Variants in KCTD21 observed in about 807,000 individuals in gnomAD.
The protein encoded by KCTD21 is potassium channel tetramerization domain containing 21, also known as BTB/POZ domain-containing protein KCTD21.
A neutral mutation model predicts 13.2 loss-of-function variants in KCTD21; 9 were observed. The ratio of observed to expected loss-of-function variants is 0.68; its 90% CI spans 0.41 to 1.19. The LOEUF (loss-of-function observed/expected upper bound fraction) is 1.19, where lower values mean the gene tolerates loss of function less well. KCTD21 is among the 50% of genes most tolerant of loss of function. The pLI, the probability that KCTD21 is intolerant of heterozygous loss-of-function variation, is 0.01. For synonymous variants in KCTD21, 142 were observed against 137.4 expected (o/e 1.03, Z -0.23); for missense variants, 303 against 336.5 (o/e 0.90, Z 0.78).
At chr11:78,185,392 C>T (rs1214911474) in intron 1 of KCTD21, among the ~76,000 whole-genome samples, 2 of 152,146 alleles carry the variant, frequency 1.3e-5, no homozygotes, top group Admixed American at 6.6e-5. Flanking sequence ...GTGCCAGACC[C>T]CAATAAGTCG....
intron 1 of KCTD21, chr11:78,187,362 C>T (rs1862813113): frequency 1.3e-5 from 13 of 985,390 alleles, no homozygotes; most frequent in Non-Finnish European, 1.6e-5. Context: ...GCTCTATTAC[C>T]ATCACAACCC....
Position 78,188,580 on chromosome 11 carries a change from C to G in KCTD21, c.-37G>C. ...CGGCCGTGCCGCACCCACCTCCTGC[C>G]CTCGCTCTGCAGCCTCTCCCTCCGC... On this transcript the variant is annotated 5_prime_UTR_variant, in exon 1 of 2. Transcript: ENST00000340067. 1.0e-6 allele frequency: 1 copy of G among 985,728 alleles called. No homozygotes were observed. The highest frequency in any genetic ancestry group is 1.2e-6 in the Non-Finnish European group (1 of 830,156). 61.1% of individuals were successfully genotyped at this position (985,728 alleles called of 1,614,324 possible).
At position 78,172,814 on chromosome 11, in the gene KCTD21, A is replaced by G. The variant is rs989198977; in HGVS notation, c.*958T>C. ...TGGCGCGCTTCCTATCAGCCAAGGT[A>G]TGCAAGCAGGCCAAGGTGATCACTT... On this transcript the variant is annotated 3_prime_UTR_variant, in exon 2 of 2. Coordinates refer to ENST00000340067, the MANE Select transcript of KCTD21 (RefSeq NM_001029859.3). The G allele has an allele frequency of 2.0e-5, 3 of 152,606 alleles. No homozygotes were observed. The highest frequency in any genetic ancestry group is 6.5e-5 in the Admixed American group (1 of 15,274). 9.5% of individuals were successfully genotyped at this position (152,606 alleles called of 1,614,324 possible).
intron 1 of KCTD21, among the ~76,000 whole-genome samples, chr11:78,180,431 C>T (rs999289128): frequency 2.0e-5 from 3 of 152,168 alleles, no homozygotes; most frequent in Admixed American, 1.3e-4. Context: ...GAGGCTGAGG[C>T]GGGCAGATCA....
intron 1 of KCTD21, chr11:78,188,272 G>GCCCCACCCACCAAGGA: frequency 7.6e-6 from 7 of 924,840 alleles, no homozygotes; most frequent in Non-Finnish European, 8.7e-6. Flanking sequence ...GCCTCTCCTT[G>GCCCCACCCACCAAGGA]CCCCACCCAC....
At chr11:78,188,132 C>G in intron 1 of KCTD21, 1 of 985,428 alleles carries the variant, frequency 1.0e-6, no homozygotes, top group Non-Finnish European at 1.2e-6. Context: ...AGTTCCCTGT[C>G]ATCTGTGTCT....
chr11:78,186,362 A>G (rs1196547792), intron 1 of KCTD21, among the ~76,000 whole-genome samples: 1 of 112,550 alleles, frequency 8.9e-6, no homozygotes, highest in Non-Finnish European at 1.7e-5. Context: ...ACAGAGTAAG[A>G]CCCTGTCTCA....
Position 78,172,778 on chromosome 11 carries a change from T to C in KCTD21, c.*994A>G, listed in dbSNP as rs1458393244. The C allele has an allele frequency of 6.6e-6, 1 of 152,450 alleles. No individual in the cohort carries two copies. The highest frequency in any genetic ancestry group is 1.5e-5 in the Non-Finnish European group (1 of 68,030). The allele number at this position is 152,450 out of a possible 1,614,324, so 9.4% of individuals were successfully genotyped here. ...AGCACTGTCCAACCACAGCAGGAGC[T>C]GCCTTGGGGATGGCGCGCTTCCTAT... On this transcript the variant is annotated 3_prime_UTR_variant, in exon 2 of 2. Coordinates refer to ENST00000340067, the MANE Select transcript of KCTD21 (RefSeq NM_001029859.3).
At chr11:78,185,774 T>G (rs1418864783) in intron 1 of KCTD21, among the ~76,000 whole-genome samples, 1 of 152,008 alleles carries the variant, frequency 6.6e-6, no homozygotes, top group Non-Finnish European at 1.5e-5. Context: ...GTATTTTTAG[T>G]AGAGACGGGG....
intron 1 of KCTD21, among the ~76,000 whole-genome samples, chr11:78,185,781 G>A (rs1590884851): frequency 6.6e-6 from 1 of 151,872 alleles, no homozygotes; most frequent in Non-Finnish European, 1.5e-5. Context: ...TAGTAGAGAC[G>A]GGGTTTCACC....
chr11:78,171,613 A>C lies in KCTD21; in HGVS notation c.*2159T>G, dbSNP rs564643270. The C allele has an allele frequency of 6.6e-6, 1 of 152,246 alleles. No homozygotes were observed. The highest frequency in any genetic ancestry group is 2.1e-4 in the South Asian group (1 of 4,818). The allele number at this position is 152,246 out of a possible 1,614,324, so 9.4% of individuals were successfully genotyped here. On this transcript the variant is annotated 3_prime_UTR_variant, in exon 2 of 2. Coordinates refer to ENST00000340067, the MANE Select transcript of KCTD21 (RefSeq NM_001029859.3). ...TTCTCCATGAGGGGCTCTCCCAAGT[A>C]CCCTTGGCCTGGGACAGCTGTCTTT...
At chr11:78,181,322 G>C (rs1362782942) in intron 1 of KCTD21, among the ~76,000 whole-genome samples, 2 of 152,152 alleles carry the variant, frequency 1.3e-5, no homozygotes, top group Non-Finnish European at 2.9e-5. Context: ...ATATGACTCA[G>C]CAATATATAG....
Position 78,173,746 on chromosome 11 carries a change from C to A in KCTD21, c.*26G>T, listed in dbSNP as rs368809886. On this transcript the variant is annotated 3_prime_UTR_variant, in exon 2 of 2. Transcript: ENST00000340067. ...GCTGACATGAGCTTCCTGGGACTCCCCATCTCCAGTGTTGTTGGGGTCCTT... is the reference window on the plus strand; with the variant it reads ...GCTGACATGAGCTTCCTGGGACTCCACATCTCCAGTGTTGTTGGGGTCCTT... The A allele has an allele frequency of 1.3e-6, 2 of 1,580,992 alleles. No individual in the cohort carries two copies. Among genetic ancestry groups the A allele is most frequent in the Admixed American group, 1.7e-5 (1 of 57,900 alleles).
Position 78,174,545 on chromosome 11 carries a change from G to C in KCTD21, c.10C>G (p.Pro4Ala). Residue 4 changes from proline to alanine, a missense_variant, in exon 2 of 2, where the codon CCC (proline) becomes GCC (alanine). Coordinates refer to ENST00000340067, the MANE Select transcript of KCTD21 (RefSeq NM_001029859.3). ...TTCCCCCCGACGTTCAGCGTGATGG[G>C]GTCGGACATGGCAGGAGACTGGGTT... is the stretch of plus-strand genomic sequence containing the variant. MSD[P>A]ITLNVGGKLY... 1 of 1,610,770 alleles carries C rather than the reference G, an allele frequency of 6.2e-7. No individual in the cohort carries two copies. The highest frequency in any genetic ancestry group is 8.5e-7 in the Non-Finnish European group (1 of 1,178,136).
Position 78,174,276 on chromosome 11 carries a change from A to C in KCTD21, c.279T>G (p.Ile93Met), listed in dbSNP as rs748630817. ...EADFYQVQPL[I>M]EALQEKEVEL... ...CCACTTCCTTCTCCTGCAGGGCCTC[A>C]ATCAGGGGCTGCACCTGGTAGAAGT... The change falls in exon 2 of 2, where the codon ATT becomes ATG. Residue 93 changes from isoleucine (I) to methionine (M), a missense_variant. Physicochemically the swap from Ile to Met is conservative, Grantham distance 10 (BLOSUM62 1). Transcript: ENST00000340067. 1.9e-6 allele frequency: 3 copies of C among 1,614,010 alleles called. No individual in the cohort carries two copies. In the South Asian group the frequency reaches 3.3e-5, roughly 18 times the overall value.
chr11:78,174,308 C>T lies in KCTD21; in HGVS notation c.247G>A (p.Glu83Lys). 2.5e-6 allele frequency: 4 copies of T among 1,614,116 alleles called. No homozygotes were observed. The highest frequency in any genetic ancestry group is 3.4e-6 in the Non-Finnish European group (4 of 1,180,014). Residue 83 changes from glutamate (E) to lysine (K), a missense_variant, in exon 2 of 2, where the codon GAG becomes AAG. Glu to Lys is a moderately conservative substitution (Grantham distance 56). Coordinates refer to ENST00000340067, the MANE Select transcript of KCTD21 (RefSeq NM_001029859.3). Reference sequence around the variant, plus strand: ...GGCTGCACCTGGTAGAAGTCGGCCTCCCTGCGGAGCAGCCCCATCTCCTGG... The same window carrying T: ...GGCTGCACCTGGTAGAAGTCGGCCTTCCTGCGGAGCAGCCCCATCTCCTGG... ...DFQEMGLLRR[E>K]ADFYQVQPLI... is the part of the protein sequence containing the mutation.
At chr11:78,187,891 T>TTTA in intron 1 of KCTD21, 1 of 985,402 alleles carries the variant, frequency 1.0e-6, no homozygotes, top group East Asian at 1.1e-4. Context: ...CCTGAGTGGT[T>TTTA]TTAGGCAAGT....
intron 1 of KCTD21, among the ~76,000 whole-genome samples, chr11:78,181,925 T>C (rs1862633837): frequency 1.3e-5 from 2 of 152,232 alleles, no homozygotes; most frequent in East Asian, 3.8e-4. Flanking sequence ...TGTGAAACTT[T>C]TGTTTCAGTT....
At chr11:78,184,813 G>A (rs1590884029) in intron 1 of KCTD21, among the ~76,000 whole-genome samples, 1 of 152,034 alleles carries the variant, frequency 6.6e-6, no homozygotes, top group Non-Finnish European at 1.5e-5. Flanking sequence ...GCAGTGGCGC[G>A]ATCATGGTTC....
Sources: allele counts gnomAD v4.1 joint callset (sites outside exome capture counted in the v4.1 genomes callset), GRCh38; gene constraint gnomAD v4.1.1; transcripts MANE v1.5; gene names NCBI Gene and HGNC (gene_info 2026-07-23, HGNC 2026-07-21).